Variants in CHST10 observed in about 807,000 individuals in gnomAD.
CHST10 encodes carbohydrate sulfotransferase 10.
Under a neutral mutation model 34.7 loss-of-function variants are expected in CHST10, and 24 were observed. The ratio of observed to expected loss-of-function variants is 0.69; its 90% CI spans 0.50 to 0.97. The LOEUF is 0.97. CHST10 is among the 50% of genes least tolerant of loss of function. CHST10 has a pLI of 0.00. For missense variants in CHST10, 402 were observed against 452.1 expected (o/e 0.89, Z 1.00); for synonymous variants, 161 against 169.3 (o/e 0.95, Z 0.38).
chr2:100,395,951 T>G (rs1164546990), intron 5 of CHST10, among the ~76,000 whole-genome samples: 1 of 152,160 alleles, frequency 6.6e-6, no homozygotes, highest in Non-Finnish European at 1.5e-5. Flanking sequence ...GATCGCTGCA[T>G]GCAAACAGAA....
At chr2:100,407,476 C>T (rs1206244133) in intron 2 of CHST10, among the ~76,000 whole-genome samples, 1 of 152,200 alleles carries the variant, frequency 6.6e-6, no homozygotes, top group Non-Finnish European at 1.5e-5. Flanking sequence ...CAAGCCAAAG[C>T]TCTCCACGTA....
intron 1 of CHST10, chr2:100,416,827 A>G (rs1238166353): frequency 5.8e-6 from 3 of 521,180 alleles, no homozygotes; most frequent in African/African-American, 4.0e-5. Context: ...CAAAAATGAC[A>G]TTTTGGAAAA....
Position 100,393,155 on chromosome 2 carries a change from G to A in CHST10, c.*90C>T. On this transcript the variant is annotated 3_prime_UTR_variant, in exon 7 of 7. Transcript: ENST00000264249. ...CCCCGGGCGTCCTCAAAGGAGGGGT[G>A]TGGTGGAGGAAGGGTCATTTCTGGG... The A allele has an allele frequency of 7.1e-7, 1 of 1,405,584 alleles. No homozygotes were observed. The highest frequency in any genetic ancestry group is 9.8e-7 in the Non-Finnish European group (1 of 1,017,494). The allele number at this position is 1,405,584 out of a possible 1,614,324, so 87.1% of individuals were successfully genotyped here.
Position 100,394,819 on chromosome 2 carries a change from G to T in CHST10, c.533+690C>A, listed in dbSNP as rs577178616. On this transcript the variant is annotated intron_variant, in intron 6 of 6. Coordinates refer to ENST00000264249, the MANE Select transcript of CHST10 (RefSeq NM_004854.5). The stretch of plus-strand genomic sequence containing the variant: ...GCTCACTGCAACCCTTGCCTCCAGG[G>T]TTCAAGCGATTCTCCTGCTTCAGCC... Among the ~76,000 whole-genome samples the T allele has an allele frequency of 3.6e-4, 55 of 151,828 alleles. 1 individual carries two copies. In the South Asian group the frequency reaches 0.011, roughly 31 times the overall value.
chr2:100,405,819 C>T (rs981674360), intron 3 of CHST10, among the ~76,000 whole-genome samples: 4 of 152,184 alleles, frequency 2.6e-5, no homozygotes, highest in African/African-American at 4.8e-5. Flanking sequence ...GCCTGCTTGG[C>T]CACTCAATGA....
Position 100,393,601 on chromosome 2 carries a change from C to T in CHST10, c.715G>A (p.Asp239Asn). Residue 239 changes from aspartate to asparagine, a missense_variant, in exon 7 of 7, where the codon GAT becomes AAT. By Grantham distance (23) the Asp-to-Asn change is conservative (BLOSUM62 1). Transcript: ENST00000264249. ...GGATCGCCGAGGTAGCGCACGAAAT[C>T]TTCAAACTGGATCCCCCGGGTCTCT... ...RTETRGIQFE[D>N]FVRYLGDPNH... 1 of 1,614,176 alleles carries T rather than the reference C, an allele frequency of 6.2e-7. No homozygotes were observed. Among genetic ancestry groups the T allele is most frequent in the African/African-American group, 1.3e-5 (1 of 75,046 alleles).
Position 100,402,661 on chromosome 2 carries a change from A to G in CHST10, c.101-6T>C, listed in dbSNP as rs1467165562. 6 of 1,613,144 alleles carry G rather than the reference A, an allele frequency of 3.7e-6. No homozygotes were observed. The highest frequency in any genetic ancestry group is 4.2e-6 in the Non-Finnish European group (5 of 1,179,276). ...CTCCTGTTTGGCACTGTACACTGGA[A>G]GACAGAGAGGTTGAATGTCTTCTCT... On this transcript the variant is annotated splice_polypyrimidine_tract_variant and splice_region_variant and intron_variant, in intron 3 of 6. Transcript: ENST00000264249.
At position 100,395,395 on chromosome 2, in the gene CHST10, C is replaced by G. The variant is rs572608521; in HGVS notation, c.533+114G>C. The G allele has an allele frequency of 7.1e-6, 6 of 840,952 alleles. No individual in the cohort carries two copies. The East Asian group carries it at 1.5e-4, about 22-fold the overall frequency. 52.1% of individuals were successfully genotyped at this position (840,952 alleles called of 1,614,324 possible). A position where few individuals can be genotyped will look rare whatever the true frequency, so the allele number is the denominator to read the frequency against. ...CTCTCACTGATGCAAACCGACAGCC[C>G]TCTGTGGTCCTCCGATCAATCTGCC... On this transcript the variant is annotated intron_variant, in intron 6 of 6. Coordinates refer to ENST00000264249, the MANE Select transcript of CHST10 (RefSeq NM_004854.5).
chr2:100,416,712 C>G, intron 1 of CHST10: 4 of 337,920 alleles, frequency 1.2e-5, no homozygotes, highest in South Asian at 9.5e-5. Context: ...ACAACAACAA[C>G]AAAAACCCAC....
Position 100,392,927 on chromosome 2 carries a change from CGCT to C in CHST10, c.*315_*317del. 3.0e-6 allele frequency: 1 copy of C among 336,464 alleles called. No homozygotes were observed. The highest frequency in any genetic ancestry group is 5.5e-6 in the Non-Finnish European group (1 of 180,414). 20.8% of individuals were successfully genotyped at this position (336,464 alleles called of 1,614,324 possible). A position where few individuals can be genotyped will look rare whatever the true frequency, so the allele number is the denominator to read the frequency against. ...AACACCTGAAGGAAACGGCTCCTAA[CGCT>C]GTGTGATGCTTCCTCCCTGCTGGGC... On this transcript the variant is annotated 3_prime_UTR_variant, in exon 7 of 7. Coordinates refer to ENST00000264249, the MANE Select transcript of CHST10 (RefSeq NM_004854.5).
At chr2:100,397,146 T>C (rs1675099082) in intron 5 of CHST10, among the ~76,000 whole-genome samples, 1 of 152,220 alleles carries the variant, frequency 6.6e-6, no homozygotes, top group South Asian at 2.1e-4. Flanking sequence ...GGAGTCCCAC[T>C]GCTGTTGACT....
chr2:100,411,573 G>C (rs1020995919), intron 2 of CHST10, among the ~76,000 whole-genome samples: 9 of 152,174 alleles, frequency 5.9e-5, no homozygotes, highest in Non-Finnish European at 1.3e-4. Context: ...ACATGAGTAG[G>C]TGTGTATGTG....
intron 2 of CHST10, among the ~76,000 whole-genome samples, chr2:100,412,828 T>A (rs1418437423): frequency 1.3e-5 from 2 of 152,214 alleles, no homozygotes; most frequent in Admixed American, 1.3e-4. Flanking sequence ...AGACCTTCCA[T>A]CACTGCCTTC....
chr2:100,414,355 G>A (rs1185854337), intron 2 of CHST10, among the ~76,000 whole-genome samples: 1 of 148,304 alleles, frequency 6.7e-6, no homozygotes, highest in East Asian at 1.9e-4. Context: ...AGACTCTAAA[G>A]GAAACTTCAC....
At chr2:100,406,512 T>G (rs556940518) in intron 3 of CHST10, 64 bp downstream of exon 3, 1 of 1,589,524 alleles carries the variant, frequency 6.3e-7, no homozygotes, top group East Asian at 2.3e-5. Context: ...TGCATGTACC[T>G]AGGAACAGTG....
At chr2:100,406,539 AT>A (rs752393504) in intron 3 of CHST10, 36 bp downstream of exon 3, 3 of 1,612,346 alleles carry the variant, frequency 1.9e-6, no homozygotes, top group Non-Finnish European at 2.5e-6. Context: ...CTAGGTCTAA[AT>A]TAGCCAAAAT....
At chr2:100,415,210 C>G (rs904577512) in intron 1 of CHST10, 99 bp from the exon 2 acceptor site, 3 of 578,918 alleles carry the variant, frequency 5.2e-6, no homozygotes, top group Non-Finnish European at 7.9e-6. Context: ...AATAGTGAAC[C>G]ATTTTGATGA....
At chr2:100,400,032 C>T (rs1260926812) in intron 4 of CHST10, among the ~76,000 whole-genome samples, 4 of 152,146 alleles carry the variant, frequency 2.6e-5, no homozygotes, top group Admixed American at 6.5e-5. Flanking sequence ...TCACTTATCC[C>T]AAAAGAGCCT....
intron 6 of CHST10, 66 bp from the exon 7 acceptor site, chr2:100,393,848 G>A: frequency 2.2e-6 from 3 of 1,366,822 alleles, no homozygotes; most frequent in South Asian, 2.5e-5. Context: ...GGGGGCGGGA[G>A]AGGGAAGAAT....
Sources: allele counts gnomAD v4.1 joint callset (sites outside exome capture counted in the v4.1 genomes callset), GRCh38; gene constraint gnomAD v4.1.1; transcripts MANE v1.5; gene names NCBI Gene and HGNC (gene_info 2026-07-23, HGNC 2026-07-21).